The following SLC37A3 variants were observed in gnomAD, a reference collection of about 807,000 sequenced individuals.
The protein encoded by SLC37A3 is sugar phosphate exchanger 3.
A neutral mutation model predicts 67.1 loss-of-function variants in SLC37A3; 51 were observed. The observed-to-expected ratio is 0.76, with a 90% CI of 0.61 to 0.96. SLC37A3 has a LOEUF of 0.96. Among genes scored for constraint, SLC37A3 ranks in the 40% least tolerant of loss-of-function variants. The pLI, the probability that SLC37A3 is intolerant of heterozygous loss-of-function variation, is 0.00. For synonymous variants in SLC37A3, 214 were observed against 231.4 expected, an observed-to-expected ratio of 0.92 and a Z score of 0.68; for missense variants, 508 against 603.0, an observed-to-expected ratio of 0.84 and a Z score of 1.65.
At chr7:140,340,834 A>T (rs554145650) in intron 13 of SLC37A3, among the ~76,000 whole-genome samples, 90 of 152,178 alleles carry the variant, frequency 5.9e-4, no homozygotes, top group African/African-American at 2.0e-3. Flanking sequence ...GGGAGGCTGC[A>T]GTGGGAAAAT....
chr7:140,349,150 C>T (rs1267699629), intron 9 of SLC37A3, among the ~76,000 whole-genome samples: 3 of 152,192 alleles, frequency 2.0e-5, no homozygotes, highest in African/African-American at 7.2e-5. Flanking sequence ...CACTAACCAG[C>T]GTTAACCATA....
At chr7:140,396,011 C>T (rs975594832) in intron 1 of SLC37A3, among the ~76,000 whole-genome samples, 1 of 151,436 alleles carries the variant, frequency 6.6e-6, no homozygotes, top group Non-Finnish European at 1.5e-5. Context: ...CACACTCATA[C>T]AACTATCTTT....
At position 140,341,880 on chromosome 7, in the gene SLC37A3, C is replaced by T. The variant is rs1034996969; in HGVS notation, c.1326+1532G>A. Among the ~76,000 whole-genome samples, 11 of 152,308 alleles carry T rather than the reference C, an allele frequency of 7.2e-5. No individual in the cohort carries two copies. The East Asian group carries it at 1.7e-3, about 24-fold the overall frequency. On this transcript the variant is annotated intron_variant, in intron 13 of 14. Transcript: ENST00000326232. ...CCACTCTCTACCCCATAGGTGAAGA[C>T]GTCTGAACTGATGGCTGGGAGCATT...
intron 3 of SLC37A3, among the ~76,000 whole-genome samples, chr7:140,371,855 CT>C (rs759365499): frequency 1.6e-3 from 227 of 145,148 alleles, no homozygotes; most frequent in Middle Eastern, 3.6e-3. Flanking sequence ...GTTTACAGAA[CT>C]TTTTTTTTTT....
intron 4 of SLC37A3, 55 bp from the exon 5 acceptor site, chr7:140,364,546 G>C: frequency 6.6e-7 from 1 of 1,523,954 alleles, no homozygotes; most frequent in Non-Finnish European, 9.0e-7. Flanking sequence ...GTATGAAAAA[G>C]TAACATGCAC....
chr7:140,377,253 G>A (rs925431007), intron 3 of SLC37A3, among the ~76,000 whole-genome samples: 3 of 150,520 alleles, frequency 2.0e-5, no homozygotes, highest in Admixed American at 6.6e-5. Flanking sequence ...TTGTAGAGAC[G>A]GTGGTCTCTC....
chr7:140,354,401 T>G lies in SLC37A3; in HGVS notation c.618+1267A>C, dbSNP rs1796936891. ...CAACATGTTTTCAAACTTTTGGATT[T>G]TTAGTCTAATAAGTATACAGTATAG... On this transcript the variant is annotated intron_variant, in intron 7 of 14. Coordinates refer to ENST00000326232, the MANE Select transcript of SLC37A3 (RefSeq NM_207113.3). Among the ~76,000 whole-genome samples the G allele has an allele frequency of 2.6e-5, 4 of 152,218 alleles. No homozygotes were observed. In the South Asian group the frequency reaches 8.3e-4, roughly 31 times the overall value.
chr7:140,355,652 A>G lies in SLC37A3; in HGVS notation c.618+16T>C. On this transcript the variant is annotated intron_variant, in intron 7 of 14. Coordinates refer to ENST00000326232, the MANE Select transcript of SLC37A3 (RefSeq NM_207113.3). ...GAGAGAGAGAGAGAGCACCAGAGCTAGAAAACAATACCTACCTCATAACCA... is the reference window on the plus strand; with the variant it reads ...GAGAGAGAGAGAGAGCACCAGAGCTGGAAAACAATACCTACCTCATAACCA... 6.2e-7 allele frequency: 1 copy of G among 1,607,878 alleles called. No individual in the cohort carries two copies. The highest frequency in any genetic ancestry group is 8.5e-7 in the Non-Finnish European group (1 of 1,174,710).
rs34468860 is a variant in SLC37A3 at position 140,367,397 on chromosome 7, T to C, written c.291+2193A>G. ...GTTGCAGTGAGCTGAGATAGCACCA[T>C]TGCACTCCAGCCTGGGCAAGAGAGC... On this transcript the variant is annotated intron_variant, in intron 4 of 14. Coordinates refer to ENST00000326232, the MANE Select transcript of SLC37A3 (RefSeq NM_207113.3). Among the ~76,000 whole-genome samples, 666 of 144,360 alleles carry C rather than the reference T, an allele frequency of 4.6e-3. 5 individuals carry two copies. Among genetic ancestry groups the C allele is most frequent in the South Asian group, 0.017 (76 of 4,574 alleles). 94.7% of individuals were successfully genotyped at this position (144,360 alleles called of 152,430 possible). A position where few individuals can be genotyped will look rare whatever the true frequency, so the allele number is the denominator to read the frequency against.
chr7:140,357,410 G>A (rs1425519792), intron 6 of SLC37A3, among the ~76,000 whole-genome samples: 1 of 151,924 alleles, frequency 6.6e-6, no homozygotes, highest in African/African-American at 2.4e-5. Flanking sequence ...GAATAAACAT[G>A]AATAAATTTA....
intron 3 of SLC37A3, among the ~76,000 whole-genome samples, chr7:140,373,207 C>T (rs561170736): frequency 1.3e-5 from 2 of 152,044 alleles, no homozygotes; most frequent in Admixed American, 6.6e-5. Context: ...ACCCCCTCCT[C>T]GGCCTCCCAA....
chr7:140,376,684 C>G (rs1413226420), intron 3 of SLC37A3, among the ~76,000 whole-genome samples: 2 of 152,096 alleles, frequency 1.3e-5, no homozygotes, highest in Non-Finnish European at 2.9e-5. Context: ...GATGACAGGC[C>G]AACTTATGCA....
chr7:140,357,293 A>C (rs953991238), intron 6 of SLC37A3, among the ~76,000 whole-genome samples: 3 of 152,184 alleles, frequency 2.0e-5, no homozygotes, highest in African/African-American at 7.2e-5. Context: ...ACCCAAGAGA[A>C]ATGAAAGCAT....
chr7:140,390,706 CTTCTCCTCCAT>C (rs1403228658), intron 1 of SLC37A3, among the ~76,000 whole-genome samples: 4 of 152,130 alleles, frequency 2.6e-5, no homozygotes. Flanking sequence ...CACCACCACC[CTTCTCCTCCAT>C]CCCCCAATAA....
At position 140,361,502 on chromosome 7, in the gene SLC37A3, TCC is replaced by T. The variant is rs1192073237; in HGVS notation, c.376-2719_376-2718del. ...CGGACACACAGCCTCTCCCTCCCCC[TCC>T]CCCTCCCCCTCCCCCTCCCCCTCCC... On this transcript the variant is annotated intron_variant, in intron 5 of 14. Transcript: ENST00000326232. Among the ~76,000 whole-genome samples the T allele has an allele frequency of 7.8e-4, 33 of 42,326 alleles. 1 individual carries two copies. The highest frequency in any genetic ancestry group is 2.5e-3 in the East Asian group (4 of 1,612). The allele number at this position is 42,326 out of a possible 152,430, so 27.8% of individuals were successfully genotyped here. A position where few individuals can be genotyped will look rare whatever the true frequency, so the allele number is the denominator to read the frequency against.
At chr7:140,397,263 G>A (rs1185139184) in intron 1 of SLC37A3, among the ~76,000 whole-genome samples, 9 of 143,772 alleles carry the variant, frequency 6.3e-5, no homozygotes, top group African/African-American at 2.0e-4. Context: ...GTGTGATCTC[G>A]GCTCACTGCA....
chr7:140,356,908 C>A (rs932629316), intron 6 of SLC37A3, among the ~76,000 whole-genome samples: 1 of 152,036 alleles, frequency 6.6e-6, no homozygotes, highest in African/African-American at 2.4e-5. Flanking sequence ...GAAGAGACTG[C>A]CAGTGTCTTA....
intron 1 of SLC37A3, among the ~76,000 whole-genome samples, chr7:140,385,413 C>A (rs1025497837): frequency 1.7e-4 from 26 of 152,052 alleles, no homozygotes; most frequent in African/African-American, 6.3e-4. Flanking sequence ...AACATGAAAC[C>A]CAAGTGGAAA....
At chr7:140,375,368 C>T (rs940891933) in intron 3 of SLC37A3, among the ~76,000 whole-genome samples, 1 of 150,866 alleles carries the variant, frequency 6.6e-6, no homozygotes, top group East Asian at 2.0e-4. Flanking sequence ...CCAGCTACTC[C>T]GTAGGCTGAG....
Sources: allele counts gnomAD v4.1 joint callset (sites outside exome capture counted in the v4.1 genomes callset), GRCh38; gene constraint gnomAD v4.1.1; transcripts MANE v1.5; gene names NCBI Gene and HGNC (gene_info 2026-07-23, HGNC 2026-07-21).